Variants in CDKN3 observed in about 807,000 individuals in gnomAD.
CDKN3 encodes the protein cyclin-dependent kinase inhibitor 3.
CDKN3 carries 19 observed loss-of-function variants against 36.1 expected under a neutral mutation model. That is an observed-to-expected ratio of 0.53 (90% CI 0.37 to 0.77). CDKN3 has a LOEUF of 0.77. CDKN3 is among the 30% of genes least tolerant of loss of function. The probability of loss-of-function intolerance (pLI) is 0.00; values close to 1 mark genes in which losing one functional copy is unlikely to be tolerated. For synonymous variants in CDKN3, 71 were observed against 85.3 expected (o/e 0.83, Z 0.92); for missense variants, 188 against 248.6 (o/e 0.76, Z 1.64).
At chr14:54,398,853 C>G (rs1886392627) in intron 1 of CDKN3, among the ~76,000 whole-genome samples, 1 of 152,156 alleles carries the variant, frequency 6.6e-6, no homozygotes, top group South Asian at 2.1e-4. Flanking sequence ...ACTACTAGGC[C>G]ATGTGGGGAT....
chr14:54,401,626 T>TAAAA, intron 3 of CDKN3, 47 bp downstream of exon 3: 2 of 1,280,270 alleles, frequency 1.6e-6, no homozygotes, highest in Non-Finnish European at 2.2e-6. Context: ...ATATATTTTT[T>TAAAA]AATATATTTT....
At chr14:54,419,195 A>G (rs1419849141) in intron 7 of CDKN3, among the ~76,000 whole-genome samples, 2 of 152,126 alleles carry the variant, frequency 1.3e-5, no homozygotes, top group Non-Finnish European at 2.9e-5. Flanking sequence ...TCAAATCCAA[A>G]AAGTTCACCT....
At chr14:54,405,345 G>A (rs1423367195) in intron 3 of CDKN3, among the ~76,000 whole-genome samples, 2 of 152,206 alleles carry the variant, frequency 1.3e-5, no homozygotes, top group East Asian at 3.9e-4. Flanking sequence ...TTCTGTAGAT[G>A]TCAATTAGGT....
At chr14:54,402,848 T>C (rs1273259818) in intron 3 of CDKN3, among the ~76,000 whole-genome samples, 2 of 152,244 alleles carry the variant, frequency 1.3e-5, no homozygotes, top group African/African-American at 4.8e-5. Context: ...TTGTCAAAGA[T>C]CAGATGGTTA....
intron 3 of CDKN3, among the ~76,000 whole-genome samples, chr14:54,401,982 G>A (rs907852237): frequency 1.1e-4 from 17 of 152,188 alleles, no homozygotes; most frequent in African/African-American, 3.6e-4. Flanking sequence ...GGCCGAGGCC[G>A]GCAGATCACG....
chr14:54,403,838 T>C (rs2030049562), intron 3 of CDKN3, among the ~76,000 whole-genome samples: 1 of 152,252 alleles, frequency 6.6e-6, no homozygotes, highest in African/African-American at 2.4e-5. Context: ...ATGGATTATA[T>C]TTAATGATTT....
At chr14:54,417,438 G>C (rs189152165) in intron 6 of CDKN3, among the ~76,000 whole-genome samples, 14 of 152,336 alleles carry the variant, frequency 9.2e-5, no homozygotes. Flanking sequence ...TGATTGCTCA[G>C]AATAGGCAGA....
chr14:54,419,867 AC>A (rs4251678), intron 7 of CDKN3, 124 bp from the exon 8 acceptor site: 16,259 of 563,126 alleles, frequency 0.029, 294 homozygotes, highest in Non-Finnish European at 0.039. Context: ...ATGCTTCCTT[AC>A]CCAAAAAGAT....
At chr14:54,401,686 G>A (rs1475276587) in intron 3 of CDKN3, 107 bp downstream of exon 3, 2 of 785,910 alleles carry the variant, frequency 2.5e-6, no homozygotes, top group Non-Finnish European at 4.0e-6. Context: ...ACATAAATAA[G>A]TTCTTTAGTG....
intron 3 of CDKN3, among the ~76,000 whole-genome samples, chr14:54,403,858 G>A (rs1208502726): frequency 6.6e-6 from 1 of 152,144 alleles, no homozygotes; most frequent in Non-Finnish European, 1.5e-5. Flanking sequence ...TGCATATGTT[G>A]AACCAACCTT....
chr14:54,414,838 C>G (rs1406337024), intron 5 of CDKN3, among the ~76,000 whole-genome samples: 1 of 151,548 alleles, frequency 6.6e-6, no homozygotes, highest in Non-Finnish European at 1.5e-5. Context: ...CCTGAGCCAT[C>G]ATGCCCAGCC....
At chr14:54,409,254 T>TG (rs1269977375) in intron 4 of CDKN3, among the ~76,000 whole-genome samples, 2 of 152,120 alleles carry the variant, frequency 1.3e-5, no homozygotes, top group African/African-American at 4.8e-5. Context: ...AACTGGTTGT[T>TG]GCCTGCTCAA....
intron 5 of CDKN3, among the ~76,000 whole-genome samples, chr14:54,415,080 C>CT (rs748245376): frequency 6.6e-6 from 1 of 151,904 alleles, no homozygotes; most frequent in African/African-American, 2.4e-5. Flanking sequence ...AGTATACCCT[C>CT]TAAGTACATT....
chr14:54,414,707 G>C (rs1487792854), intron 5 of CDKN3, among the ~76,000 whole-genome samples: 1 of 145,920 alleles, frequency 6.9e-6, no homozygotes, highest in Non-Finnish European at 1.5e-5. Context: ...CACCGTGCCA[G>C]GCTTTTTTTT....
chr14:54,410,524 A>G (rs1193546306), intron 4 of CDKN3, among the ~76,000 whole-genome samples: 1 of 152,208 alleles, frequency 6.6e-6, no homozygotes, highest in Non-Finnish European at 1.5e-5. Flanking sequence ...TAGAATGCCT[A>G]TAGTATTCAT....
At chr14:54,399,086 A>G (rs1244656738) in intron 1 of CDKN3, among the ~76,000 whole-genome samples, 1 of 137,374 alleles carries the variant, frequency 7.3e-6, no homozygotes, top group Admixed American at 8.5e-5. Flanking sequence ...CCTGGGTTCC[A>G]GGGATTCTCC....
At chr14:54,412,757 C>T in intron 5 of CDKN3, 1 of 402,200 alleles carries the variant, frequency 2.5e-6, no homozygotes, top group Admixed American at 2.7e-5. Flanking sequence ...AACAGAGAGC[C>T]AGCCATGGGG....
chr14:54,411,629 T>C lies in CDKN3; in HGVS notation c.339T>C (p.Thr113=), dbSNP rs2030358361. Residue 113 remains threonine (T), a synonymous_variant, in exon 5 of 8, where the codon ACT becomes ACC. Transcript: ENST00000335183. Reference sequence around the variant, plus strand: ...ATCATCCAATCGCAGATGGAGGGACTCCTGACATAGCCAGCTGCTGTGAAA... The same window carrying C: ...ATCATCCAATCGCAGATGGAGGGACCCCTGACATAGCCAGCTGCTGTGAAA... ...THHHPIADGG[T]PDIASCCEIM... 1 of 1,613,974 alleles carries C rather than the reference T, an allele frequency of 6.2e-7. No homozygotes were observed. The highest frequency in any genetic ancestry group is 1.1e-5 in the South Asian group (1 of 91,090).
Position 54,420,018 on chromosome 14 carries a change from G to T in CDKN3, c.579G>T (p.Arg193=). 1 of 1,608,486 alleles carries T rather than the reference G, an allele frequency of 6.2e-7. No homozygotes were observed. The highest frequency in any genetic ancestry group is 2.2e-5 in the East Asian group (1 of 44,690). The change falls in exon 8 of 8, where the codon CGG becomes CGT. Residue 193 remains arginine, a synonymous_variant. Transcript: ENST00000335183. ...IKQYNYLHEF[R]DKLAAHLSSR... ...AATACAATTATCTTCATGAGTTTCG[G>T]GACAAATTAGCTGCACATCTATCAT...
Sources: allele counts gnomAD v4.1 joint callset (sites outside exome capture counted in the v4.1 genomes callset), GRCh38; gene constraint gnomAD v4.1.1; transcripts MANE v1.5; gene names NCBI Gene and HGNC (gene_info 2026-07-23, HGNC 2026-07-21).